The following ZNF441 variants were observed in gnomAD, a reference collection of about 807,000 sequenced individuals.
The protein encoded by ZNF441 is zinc finger protein 441.
Under a neutral mutation model 64.5 loss-of-function variants are expected in ZNF441, and 25 were observed. The observed-to-expected ratio is 0.39, with a 90% CI of 0.28 to 0.54. The LOEUF (loss-of-function observed/expected upper bound fraction) is 0.54. Ranked by LOEUF, ZNF441 falls within the 20% of genes least tolerant of loss-of-function variation. ZNF441 has a pLI of 0.70. For synonymous variants in ZNF441, 262 were observed against 268.0 expected (o/e 0.98, Z 0.22); for missense variants, 715 against 843.3 (o/e 0.85, Z 1.88).
rs59397026 is a variant in ZNF441 at position 11,779,746 on chromosome 19, C to CAA, written c.195-259_195-258dup. 6.5e-3 allele frequency among the ~76,000 whole-genome samples: 809 copies of CAA among 124,446 alleles called. 9 individuals carry two copies. The highest frequency in any genetic ancestry group is 0.023 in the African/African-American group (778 of 33,250). The allele number at this position is 124,446 out of a possible 152,430, so 81.6% of individuals were successfully genotyped here. On this transcript the variant is annotated intron_variant, in intron 3 of 3. Transcript: ENST00000357901. ...TGGGCAACAGAGCGAGACTCCGTCT[C>CAA]AAAAAAAAAAAAAAATCAGCCATGT...
chr19:11,774,036 T>C (rs1975336037), intron 1 of ZNF441, among the ~76,000 whole-genome samples: 2 of 152,182 alleles, frequency 1.3e-5, no homozygotes, highest in African/African-American at 4.8e-5. Context: ...TGACTGAGCA[T>C]GTATATGATT....
rs1451999588 is a variant in ZNF441 at position 11,767,413 on chromosome 19, G to A, written c.3+217G>A. The stretch of plus-strand genomic sequence containing the variant: ...CGGCCACTGCGGCCCTGGCCCTGGA[G>A]GCCTGTCTGGGCAGCTCCGCGCCCG... On this transcript the variant is annotated intron_variant, in intron 1 of 3. Coordinates refer to ENST00000357901, the MANE Select transcript of ZNF441 (RefSeq NM_152355.3). This position sits in a 1 kb window ranked among gnomAD's most constrained non-coding sequence, Gnocchi z 5.1. Among the ~76,000 whole-genome samples the A allele has an allele frequency of 6.6e-6, 1 of 152,272 alleles. No individual in the cohort carries two copies. Among genetic ancestry groups the A allele is most frequent in the African/African-American group, 2.4e-5 (1 of 41,474 alleles).
At chr19:11,771,724 T>C (rs1975314717) in intron 1 of ZNF441, among the ~76,000 whole-genome samples, 1 of 152,232 alleles carries the variant, frequency 6.6e-6, no homozygotes, top group African/African-American at 2.4e-5. Flanking sequence ...GGTCTAGCAG[T>C]GACGCCAGCG....
intron 1 of ZNF441, 139 bp from the exon 2 acceptor site, chr19:11,777,472 G>A: frequency 6.8e-6 from 6 of 885,842 alleles, no homozygotes; most frequent in Non-Finnish European, 6.7e-6. Flanking sequence ...TGAGTGTAAA[G>A]AGAGAATAAG....
At chr19:11,774,551 C>T (rs1975340021) in intron 1 of ZNF441, among the ~76,000 whole-genome samples, 1 of 152,084 alleles carries the variant, frequency 6.6e-6, no homozygotes, top group African/African-American at 2.4e-5. Flanking sequence ...TGTTGAACAT[C>T]TATAGAGAAA....
At chr19:11,777,919 A>G in intron 2 of ZNF441, 182 bp downstream of exon 2, 3 of 540,148 alleles carry the variant, frequency 5.6e-6, no homozygotes, top group Non-Finnish European at 9.5e-6. Flanking sequence ...TACTGGCAGC[A>G]TTACTGGTAA....
chr19:11,774,884 A>G lies in ZNF441; in HGVS notation c.4-2727A>G, dbSNP rs141242425. ...AGACATTTGAATGTTATAATCTGGA[A>G]ATCAGATTCCCTTCACTGTTTGCCC... is the stretch of plus-strand genomic sequence containing the variant. On this transcript the variant is annotated intron_variant, in intron 1 of 3. Coordinates refer to ENST00000357901, the MANE Select transcript of ZNF441 (RefSeq NM_152355.3). 2.2e-4 allele frequency among the ~76,000 whole-genome samples: 33 copies of G among 152,308 alleles called. No homozygotes were observed. In the East Asian group the frequency reaches 6.0e-3, roughly 28 times the overall value.
At chr19:11,773,984 ATC>A (rs1188301125) in intron 1 of ZNF441, among the ~76,000 whole-genome samples, 2 of 152,074 alleles carry the variant, frequency 1.3e-5, no homozygotes, top group Non-Finnish European at 2.9e-5. Context: ...ATTGTACATT[ATC>A]TGTTTTTTTC....
intron 1 of ZNF441, among the ~76,000 whole-genome samples, chr19:11,774,252 G>A (rs1975337762): frequency 6.6e-6 from 1 of 152,086 alleles, no homozygotes; most frequent in African/African-American, 2.4e-5. Context: ...ATATTATTAT[G>A]TTGAACAAAC....
At chr19:11,775,841 TG>T (rs974980724) in intron 1 of ZNF441, among the ~76,000 whole-genome samples, 19 of 151,318 alleles carry the variant, frequency 1.3e-4, no homozygotes, top group African/African-American at 4.6e-4. Context: ...TTGACCAGGC[TG>T]GTCTCAAACT....
chr19:11,775,223 A>G (rs149402625), intron 1 of ZNF441, among the ~76,000 whole-genome samples: 191 of 152,338 alleles, frequency 1.3e-3, no homozygotes, highest in African/African-American at 4.4e-3. Context: ...GATGATGCAG[A>G]GCTGAAAATG....
intron 1 of ZNF441, among the ~76,000 whole-genome samples, chr19:11,771,841 G>A (rs11880786): frequency 0.49 from 73,691 of 151,938 alleles, 19,216 homozygotes; most frequent in African/African-American, 0.7. Flanking sequence ...CCTTTTCCCC[G>A]GGGGAGTTTA....
At chr19:11,773,883 CT>C (rs552558748) in intron 1 of ZNF441, among the ~76,000 whole-genome samples, 77 of 152,142 alleles carry the variant, frequency 5.1e-4, no homozygotes, top group African/African-American at 1.8e-3. Flanking sequence ...CAGTCCCTGC[CT>C]TTTTTACTGT....
intron 1 of ZNF441, among the ~76,000 whole-genome samples, chr19:11,769,583 C>A (rs1975296946): frequency 6.6e-6 from 1 of 152,146 alleles, no homozygotes; most frequent in African/African-American, 2.4e-5. Context: ...AGACTGCATG[C>A]CTTACACAAC....
intron 1 of ZNF441, among the ~76,000 whole-genome samples, chr19:11,772,617 A>G (rs977691069): frequency 6.6e-6 from 1 of 152,148 alleles, no homozygotes; most frequent in Non-Finnish European, 1.5e-5. Flanking sequence ...ACCTTCCACA[A>G]TCCCAGCACT....
Position 11,781,967 on chromosome 19 carries a change from A to G in ZNF441, c.*61A>G. On this transcript the variant is annotated 3_prime_UTR_variant, in exon 4 of 4. Transcript: ENST00000357901. ...CCTTAAGTACTTTCAGCTTCTTACA[A>G]ATACATAAGAGACTCACACTGAAAA... 7.4e-7 allele frequency: 1 copy of G among 1,357,912 alleles called. No individual in the cohort carries two copies. Among genetic ancestry groups the G allele is most frequent in the Middle Eastern group, 2.3e-4 (1 of 4,390 alleles). The allele number at this position is 1,357,912 out of a possible 1,614,324, so 84.1% of individuals were successfully genotyped here. A position where few individuals can be genotyped will look rare whatever the true frequency, so the allele number is the denominator to read the frequency against.
rs777746017 is a variant in ZNF441 at position 11,780,235 on chromosome 19, AGAGAAGCC to A, written c.412_419del (p.Glu138IlefsTer20). 12 of 1,614,162 alleles carry A rather than the reference AGAGAAGCC, an allele frequency of 7.4e-6. No individual in the cohort carries two copies. The highest frequency in any genetic ancestry group is 1.0e-5 in the Non-Finnish European group (12 of 1,180,002). On this transcript the variant is annotated frameshift_variant, in exon 4 of 4. Transcript: ENST00000357901. LOFTEE classifies it high-confidence loss of function. ...AACCATGTGAGTATCAAGAATATGG[AGAGAAGCC>A]ATATACACATACACAATGTGGGACA...
intron 1 of ZNF441, among the ~76,000 whole-genome samples, chr19:11,775,035 C>T (rs1975343477): frequency 6.6e-6 from 1 of 152,122 alleles, no homozygotes; most frequent in Non-Finnish European, 1.5e-5. Context: ...TGTGTTCATC[C>T]AGTATTCTGA....
intron 1 of ZNF441, among the ~76,000 whole-genome samples, chr19:11,777,061 C>T (rs771123244): frequency 5.3e-5 from 8 of 152,244 alleles, no homozygotes; most frequent in Non-Finnish European, 8.8e-5. Flanking sequence ...CTGCCTGCCG[C>T]GGCCTTCCAA....
Sources: allele counts gnomAD v4.1 joint callset (sites outside exome capture counted in the v4.1 genomes callset), GRCh38; gene constraint gnomAD v4.1.1; non-coding constraint Gnocchi (gnomAD v3.1); transcripts MANE v1.5; gene names NCBI Gene and HGNC (gene_info 2026-07-23, HGNC 2026-07-21).